HFM1: variants seen among roughly 807,000 people sequenced by gnomAD.
HFM1 encodes the protein probable ATP-dependent DNA helicase HFM1.
HFM1 carries 169 observed loss-of-function variants against 192.1 expected under a neutral mutation model. The observed-to-expected ratio is 0.88, with a 90% CI of 0.78 to 1.00. The LOEUF (loss-of-function observed/expected upper bound fraction) is 1.00. Ranked by LOEUF, HFM1 falls within the 50% of genes least tolerant of loss-of-function variation. The probability of loss-of-function intolerance (pLI) is 0.00; values close to 1 mark genes in which losing one functional copy is unlikely to be tolerated. For synonymous variants in HFM1, 525 were observed against 537.8 expected (o/e 0.98, Z 0.33); for missense variants, 1,661 against 1,668.0 (o/e 1.00, Z 0.07).
intron 13 of HFM1, among the ~76,000 whole-genome samples, chr1:91,357,121 T>C (rs959205661): frequency 6.6e-6 from 1 of 152,206 alleles, no homozygotes; most frequent in Non-Finnish European, 1.5e-5. Flanking sequence ...TACTATCACG[T>C]TGATACCTAG....
chr1:91,271,087 C>A (rs796848036), intron 34 of HFM1, among the ~76,000 whole-genome samples: 32 of 152,132 alleles, frequency 2.1e-4, no homozygotes, highest in African/African-American at 7.5e-4. Flanking sequence ...ATTCATGGTG[C>A]CCTGCCTTCT....
At chr1:91,386,402 A>G (rs538653625) in intron 4 of HFM1, among the ~76,000 whole-genome samples, 1 of 152,362 alleles carries the variant, frequency 6.6e-6, no homozygotes, top group East Asian at 1.9e-4. Context: ...TCAAGCTTTC[A>G]GATGACTGCA....
intron 30 of HFM1, among the ~76,000 whole-genome samples, chr1:91,305,109 T>TA (rs1275942996): frequency 6.6e-6 from 1 of 152,206 alleles, no homozygotes; most frequent in Non-Finnish European, 1.5e-5. Context: ...GTGAGTCCTC[T>TA]ACCTTCCTTC....
Position 91,271,270 on chromosome 1 carries a change from A to T in HFM1, c.3772+2442T>A, listed in dbSNP as rs546992098. On this transcript the variant is annotated intron_variant, in intron 34 of 38. Transcript: ENST00000370425. ...ACTGGTAAGATGTAAGTTAGGGGCT[A>T]CCTGCTGTGTGAGAAACCCTATTAA... Among the ~76,000 whole-genome samples, 15 of 152,286 alleles carry T rather than the reference A, an allele frequency of 9.8e-5. No homozygotes were observed. In the South Asian group the frequency reaches 2.9e-3, roughly 29 times the overall value.
chr1:91,320,994 G>C (rs1652015641), intron 23 of HFM1, among the ~76,000 whole-genome samples: 1 of 152,172 alleles, frequency 6.6e-6, no homozygotes, highest in Non-Finnish European at 1.5e-5. Context: ...TGTAAAAGGG[G>C]AATCCAGAGT....
Position 91,313,294 on chromosome 1 carries a change from C to G in HFM1, c.3391+55G>C, listed in dbSNP as rs997585825. On this transcript the variant is annotated intron_variant, in intron 30 of 38. Transcript: ENST00000370425. ...TTGCAGTACTATAACACTGATACTC[C>G]TTCCTAGCCATATCTTTGCTTTAAT... 8 of 1,056,300 alleles carry G rather than the reference C, an allele frequency of 7.6e-6. No individual in the cohort carries two copies. In the African/African-American group the frequency reaches 1.3e-4, roughly 17 times the overall value. 65.4% of individuals were successfully genotyped at this position (1,056,300 alleles called of 1,614,324 possible).
intron 20 of HFM1, among the ~76,000 whole-genome samples, chr1:91,333,323 A>G (rs1654098907): frequency 6.6e-6 from 1 of 152,212 alleles, no homozygotes; most frequent in Admixed American, 6.5e-5. Context: ...ACCCCAGGTC[A>G]TTATGCTGAG....
chr1:91,322,313 C>A (rs1652237783), intron 23 of HFM1, among the ~76,000 whole-genome samples: 1 of 152,098 alleles, frequency 6.6e-6, no homozygotes, highest in African/African-American at 2.4e-5. Context: ...AATTCTTTGG[C>A]TAATTGGTTT....
intron 30 of HFM1, among the ~76,000 whole-genome samples, chr1:91,308,223 T>C (rs1649926217): frequency 6.6e-6 from 1 of 152,200 alleles, no homozygotes; most frequent in Non-Finnish European, 1.5e-5. Context: ...GGGACTTTAA[T>C]TATGCATATG....
intron 36 of HFM1, among the ~76,000 whole-genome samples, chr1:91,264,040 T>C (rs1032341586): frequency 1.1e-4 from 17 of 152,052 alleles, no homozygotes; most frequent in African/African-American, 4.1e-4. Flanking sequence ...CACTCAAGAG[T>C]TACAACCAAA....
chr1:91,354,309 C>CA (rs1657415530), intron 13 of HFM1, among the ~76,000 whole-genome samples: 1 of 151,462 alleles, frequency 6.6e-6, no homozygotes, highest in Admixed American at 6.6e-5. Flanking sequence ...GAGAAAAGAA[C>CA]AAAAAAGAGT....
chr1:91,406,290 G>T (rs747854637), upstream of HFM1, among the ~76,000 whole-genome samples: 13 of 152,336 alleles, frequency 8.5e-5, no homozygotes, highest in Middle Eastern at 3.4e-3. Context: ...TGTTATAGCA[G>T]CTTGAACTAA....
At chr1:91,336,778 A>G (rs1027859234) in intron 20 of HFM1, among the ~76,000 whole-genome samples, 14 of 152,214 alleles carry the variant, frequency 9.2e-5, no homozygotes, top group African/African-American at 3.4e-4. Context: ...AGATACATGC[A>G]CACGTATGTT....
At chr1:91,265,210 C>A (rs888583880) in intron 36 of HFM1, among the ~76,000 whole-genome samples, 1 of 152,244 alleles carries the variant, frequency 6.6e-6, no homozygotes, top group Middle Eastern at 3.4e-3. Flanking sequence ...GCCTACCATA[C>A]AGGTAAAAAC....
chr1:91,351,911 G>A (rs184922534), intron 16 of HFM1, among the ~76,000 whole-genome samples: 214 of 151,996 alleles, frequency 1.4e-3, no homozygotes, highest in Non-Finnish European at 2.4e-3. Flanking sequence ...CTGTATAAAA[G>A]TTGTAAGATT....
At chr1:91,386,031 A>G (rs1373774274) in intron 4 of HFM1, among the ~76,000 whole-genome samples, 197 bp from the exon 5 acceptor site, 1 of 152,208 alleles carries the variant, frequency 6.6e-6, no homozygotes, top group Non-Finnish European at 1.5e-5. Flanking sequence ...TAAAACTCAG[A>G]TAAATCCATT....
At chr1:91,290,303 C>G (rs570414216) in intron 30 of HFM1, among the ~76,000 whole-genome samples, 74 of 152,248 alleles carry the variant, frequency 4.9e-4, no homozygotes, top group African/African-American at 1.6e-3. Context: ...ATTCAGGAAA[C>G]CCATCTCACA....
Position 91,328,796 on chromosome 1 carries a change from G to A in HFM1, c.2336-4030C>T, listed in dbSNP as rs1220484840. On this transcript the variant is annotated intron_variant, in intron 20 of 38. Coordinates refer to ENST00000370425, the MANE Select transcript of HFM1 (RefSeq NM_001017975.6). ...GGTGAAGGTCACTAAGCAGCACAAC[G>A]ATAAGTGCAAACATCTGCTGAGCCT... The A allele has an allele frequency of 8.7e-6, 14 of 1,610,948 alleles. No individual in the cohort carries two copies. The East Asian group carries it at 8.9e-5, about 10-fold the overall frequency.
chr1:91,383,682 A>G (rs1176310968), intron 6 of HFM1, among the ~76,000 whole-genome samples: 2 of 152,154 alleles, frequency 1.3e-5, no homozygotes, highest in Non-Finnish European at 2.9e-5. Context: ...CAACTAGACC[A>G]TAACTTTTGT....
Sources: gnomAD v4.1 joint callset for allele counts (sites outside exome capture counted in the v4.1 genomes callset) on GRCh38, gnomAD v4.1.1 for gene constraint, MANE v1.5 for transcripts, NCBI Gene and HGNC (gene_info 2026-07-23, HGNC 2026-07-21) for gene names.